MTM1: variants seen among roughly 807,000 people sequenced by gnomAD.
The protein encoded by MTM1 is myotubularin 1, also known as myotubularin.
Under a neutral mutation model 52.1 loss-of-function variants are expected in MTM1, and 9 were observed. The observed-to-expected ratio is 0.17, with a 90% CI of 0.10 to 0.30. MTM1 has a LOEUF of 0.30. Among genes scored for constraint, MTM1 ranks in the 10% least tolerant of loss-of-function variants. MTM1 has a pLI of 1.00. For missense variants in MTM1, 277 were observed against 470.7 expected (o/e 0.59, Z 3.81); for synonymous variants, 136 against 163.8 (o/e 0.83, Z 1.29).
At chrX:150,668,236 C>T (rs1454601644) in intron 14 of MTM1, among the ~76,000 whole-genome samples, 2 of 112,708 alleles carry the variant, frequency 1.8e-5, no homozygotes, top group Non-Finnish European at 3.8e-5. Flanking sequence ...GGCATCTGCC[C>T]TGCAGAACCA....
intron 4 of MTM1, among the ~76,000 whole-genome samples, chrX:150,601,719 G>T (rs2266843): frequency 1.3e-3 from 143 of 111,141 alleles, no homozygotes; most frequent in Non-Finnish European, 2.4e-3. Context: ...TCTGGCCCAC[G>T]CCCCGTCTCC....
rs1404531180 is a variant in MTM1, at chrX:150,583,562, A to ATT, written c.-10-9043_-10-9042insTT. ...TATATATTATACATAATTTATATAT[A>ATT]ATATATAATTTATATATAATATATA... On this transcript the variant is annotated intron_variant, in intron 1 of 14. Transcript: ENST00000370396. Among the ~76,000 whole-genome samples, 163 of 22,819 alleles carry ATT rather than the reference A, an allele frequency of 7.1e-3. 3 individuals are homozygous for ATT. The highest frequency in any genetic ancestry group is 0.034 in the African/African-American group (67 of 1,964). The allele number at this position is 22,819 out of a possible 115,157, so 19.8% of individuals were successfully genotyped here. A position where few individuals can be genotyped will look rare whatever the true frequency, so the allele number is the denominator to read the frequency against.
At chrX:150,585,759 G>A (rs904957824) in intron 1 of MTM1, among the ~76,000 whole-genome samples, 6 of 112,168 alleles carry the variant, frequency 5.3e-5, no homozygotes, top group Non-Finnish European at 1.1e-4. Flanking sequence ...AATGTGTGCA[G>A]TATTGCTAGG....
At position 150,672,287 on chromosome X, in the gene MTM1, G is replaced by C. The variant is rs935328021; in HGVS notation, c.*692G>C. On this transcript the variant is annotated 3_prime_UTR_variant, in exon 15 of 15. Transcript: ENST00000370396. ...TGATTTGCATTTTTTAAATTTGCCA[G>C]TTTTATTTTCTAAATTCTTTCATGA... is the stretch of plus-strand genomic sequence containing the variant. 1 of 112,311 alleles carries C rather than the reference G, an allele frequency of 8.9e-6. No individual in the cohort carries two copies. The highest frequency in any genetic ancestry group is 3.2e-5 in the African/African-American group (1 of 30,860). 9.3% of individuals were successfully genotyped at this position (112,311 alleles called of 1,213,427 possible).
intron 10 of MTM1, 116 bp downstream of exon 10, chrX:150,650,017 T>C (rs1557414137): frequency 3.3e-6 from 2 of 613,161 alleles, no homozygotes; most frequent in Non-Finnish European, 2.5e-6. Flanking sequence ...AACTTTGTAG[T>C]AGAGGACCAC....
At chrX:150,576,828 CT>C (rs1603091305) in intron 1 of MTM1, among the ~76,000 whole-genome samples, 1 of 111,976 alleles carries the variant, frequency 8.9e-6, no homozygotes, top group African/African-American at 3.2e-5. Flanking sequence ...CTCCTCCTTT[CT>C]TTAGATTTAT....
intron 8 of MTM1, among the ~76,000 whole-genome samples, chrX:150,642,504 G>A (rs1365390511): frequency 5.4e-5 from 6 of 111,192 alleles, no homozygotes; most frequent in Non-Finnish European, 9.4e-5. Context: ...TCATATCTTC[G>A]CGATATAAAT....
At chrX:150,571,677 G>C (rs1275942129) in intron 1 of MTM1, among the ~76,000 whole-genome samples, 1 of 112,159 alleles carries the variant, frequency 8.9e-6, no homozygotes, top group Non-Finnish European at 1.9e-5. Flanking sequence ...TGCTTTTCTC[G>C]ACATTTCTCT....
rs145233301 is a variant in MTM1 at position 150,660,406 on chromosome X, G to T, written c.1389G>T (p.Leu463Phe). Reference protein sequence around the residue: ...PTAFEFNEQFLIIILDHLYSC... With the variant: ...PTAFEFNEQFFIIILDHLYSC... ...CTTTTGAATTCAATGAACAATTTTT[G>T]ATTATAATTTTGGATCATCTGTATA... The change falls in exon 13 of 15, where the codon TTG (leucine) becomes TTT (phenylalanine). Residue 463 changes from leucine (L) to phenylalanine (F), a missense_variant. Coordinates refer to ENST00000370396, the MANE Select transcript of MTM1 (RefSeq NM_000252.3). The T allele has an allele frequency of 2.1e-5, 25 of 1,198,321 alleles. No individual in the cohort carries two copies. The highest frequency in any genetic ancestry group is 1.6e-4 in the African/African-American group (9 of 56,971).
intron 1 of MTM1, among the ~76,000 whole-genome samples, chrX:150,591,646 A>T (rs1378269340): frequency 4.4e-5 from 5 of 113,018 alleles, no homozygotes; most frequent in Non-Finnish European, 9.4e-5. Flanking sequence ...TGGAACGCTA[A>T]GCTTGTGGGA....
chrX:150,626,495 G>A (rs1042675526), intron 6 of MTM1, among the ~76,000 whole-genome samples: 6 of 110,382 alleles, frequency 5.4e-5, no homozygotes, highest in Non-Finnish European at 9.5e-5. Flanking sequence ...TGTATTTTTA[G>A]TAGAGACGGG....
intron 12 of MTM1, among the ~76,000 whole-genome samples, chrX:150,660,049 C>T (rs1336973636): frequency 8.9e-6 from 1 of 112,160 alleles, no homozygotes; most frequent in East Asian, 2.8e-4. Flanking sequence ...ATACATTTTA[C>T]ACTGACCCTT....
intron 6 of MTM1, among the ~76,000 whole-genome samples, chrX:150,631,396 T>A (rs1281772750): frequency 1.8e-5 from 2 of 111,664 alleles, no homozygotes; most frequent in East Asian, 5.6e-4. Context: ...GCGTGGTGAG[T>A]CACGCCTTGC....
intron 14 of MTM1, among the ~76,000 whole-genome samples, chrX:150,669,519 C>T (rs782635425): frequency 8.9e-6 from 1 of 111,923 alleles, no homozygotes; most frequent in African/African-American, 3.3e-5. Context: ...TCCACAGCCT[C>T]GCCAGCATCT....
intron 1 of MTM1, among the ~76,000 whole-genome samples, chrX:150,579,642 G>A (rs2038544573): frequency 1.8e-5 from 2 of 109,462 alleles, no homozygotes; most frequent in African/African-American, 6.7e-5. Flanking sequence ...GACTACAGGT[G>A]CATGCCCCCA....
At chrX:150,645,915 G>T (rs781959273) in intron 9 of MTM1, 44 bp downstream of exon 9, 6 of 1,121,544 alleles carry the variant, frequency 5.3e-6, no homozygotes, top group Non-Finnish European at 7.4e-6. Context: ...CTTACATATG[G>T]AGTGCAGTGT....
chrX:150,616,177 G>A (rs1487392724), intron 5 of MTM1, among the ~76,000 whole-genome samples: 5 of 111,498 alleles, frequency 4.5e-5, no homozygotes, highest in East Asian at 2.8e-4. Context: ...GACTATTTAC[G>A]AACAAAAGGC....
At chrX:150,623,140 A>G (rs2148466756) in intron 6 of MTM1, among the ~76,000 whole-genome samples, 1 of 111,468 alleles carries the variant, frequency 9.0e-6, no homozygotes, top group East Asian at 2.8e-4. Context: ...CTGAACCAGA[A>G]TCTTGGGAGA....
intron 6 of MTM1, among the ~76,000 whole-genome samples, chrX:150,635,761 G>A (rs1557413693): frequency 2.7e-5 from 3 of 112,159 alleles, no homozygotes; most frequent in Admixed American, 9.4e-5. Context: ...GGTGGTATTG[G>A]CTCTTTCAGA....
Sources: gnomAD v4.1 joint callset for allele counts (sites outside exome capture counted in the v4.1 genomes callset) on GRCh38, gnomAD v4.1.1 for gene constraint, MANE v1.5 for transcripts, NCBI Gene and HGNC (gene_info 2026-07-23, HGNC 2026-07-21) for gene names.